Variants in TMEM161B observed in about 807,000 individuals in gnomAD.
The protein encoded by TMEM161B is transmembrane protein 161B.
A neutral mutation model predicts 61.8 loss-of-function variants in TMEM161B; 34 were observed. That is an observed-to-expected ratio of 0.55 (90% confidence interval 0.42 to 0.73). The LOEUF (loss-of-function observed/expected upper bound fraction) is 0.73. Ranked by LOEUF, TMEM161B falls within the 30% of genes least tolerant of loss-of-function variation. The probability of loss-of-function intolerance (pLI) is 0.00; values close to 1 mark genes in which losing one functional copy is unlikely to be tolerated. For synonymous variants in TMEM161B, 167 were observed against 192.8 expected, an observed-to-expected ratio of 0.87 and a Z score of 1.11; for missense variants, 456 against 558.5, an observed-to-expected ratio of 0.82 and a Z score of 1.85.
At chr5:88,265,737 A>G (rs1404739960) in intron 1 of TMEM161B, among the ~76,000 whole-genome samples, 2 of 151,716 alleles carry the variant, frequency 1.3e-5, no homozygotes, top group African/African-American at 2.4e-5. Context: ...ACTCCCCTCC[A>G]CTCCCCTCAA....
chr5:88,205,116 C>T (rs1745206614), intron 8 of TMEM161B, among the ~76,000 whole-genome samples: 1 of 152,096 alleles, frequency 6.6e-6, no homozygotes, highest in Admixed American at 6.5e-5. Context: ...GCCTATCTTT[C>T]TGCCAAGATG....
intron 2 of TMEM161B, among the ~76,000 whole-genome samples, chr5:88,236,650 GAGAA>G (rs1751908422): frequency 6.6e-6 from 1 of 152,308 alleles, no homozygotes; most frequent in African/African-American, 2.4e-5. Flanking sequence ...AGGAAGGAAA[GAGAA>G]AGAGACAGTG....
In TMEM161B at chr5:88,199,234, G is replaced by A. The variant is rs1437496591; in HGVS notation, c.915-84C>T. On this transcript the variant is annotated intron_variant, in intron 9 of 11. Coordinates refer to ENST00000296595, the MANE Select transcript of TMEM161B (RefSeq NM_153354.5). ...TTATATGTTAATGGTCACCATATAA[G>A]ATATAAGAAGTCTATACTTCGCAAC... is the stretch of plus-strand genomic sequence containing the variant. 5.2e-6 allele frequency: 7 copies of A among 1,339,958 alleles called. No homozygotes were observed. The East Asian group carries it at 1.8e-4, about 34-fold the overall frequency. 83.0% of individuals were successfully genotyped at this position (1,339,958 alleles called of 1,614,324 possible). A position where few individuals can be genotyped will look rare whatever the true frequency, so the allele number is the denominator to read the frequency against.
chr5:88,192,010 A>ATG (rs1283390769), downstream of TMEM161B, among the ~76,000 whole-genome samples: 3 of 90,982 alleles, frequency 3.3e-5, 1 homozygote, highest in African/African-American at 1.4e-4. Flanking sequence ...ATATATATAT[A>ATG]TATATATATA....
At chr5:88,225,714 A>C in intron 4 of TMEM161B, 55 bp downstream of exon 4, 1 of 1,141,890 alleles carries the variant, frequency 8.8e-7, no homozygotes, top group East Asian at 2.4e-5. Flanking sequence ...AAGTACTTTC[A>C]CTACTATAAT....
intron 9 of TMEM161B, chr5:88,202,446 T>G (rs1053997784): frequency 2.8e-5 from 5 of 176,778 alleles, no homozygotes; most frequent in African/African-American, 1.2e-4. Context: ...TTATTTTTTT[T>G]AGAGGTGCAA....
chr5:88,256,966 C>A (rs1306531670), intron 1 of TMEM161B, among the ~76,000 whole-genome samples: 1 of 152,212 alleles, frequency 6.6e-6, no homozygotes, highest in Non-Finnish European at 1.5e-5. Flanking sequence ...AATGAGATAG[C>A]TTTGTGTTAC....
chr5:88,200,308 A>C (rs537577800), intron 9 of TMEM161B: 2 of 152,222 alleles, frequency 1.3e-5, no homozygotes, highest in Admixed American at 1.3e-4. Flanking sequence ...TAAAGGCATA[A>C]CATTTTATCA....
intron 5 of TMEM161B, among the ~76,000 whole-genome samples, chr5:88,211,970 G>C (rs910304646): frequency 1.1e-4 from 17 of 151,948 alleles, no homozygotes; most frequent in Admixed American, 2.6e-4. Context: ...CCACCACAAG[G>C]AAGTAAAAAA....
chr5:88,202,704 G>T, intron 9 of TMEM161B: 1 of 415,856 alleles, frequency 2.4e-6, no homozygotes, highest in Non-Finnish European at 4.3e-6. Context: ...GATGACGACT[G>T]GACATAAAGA....
chr5:88,237,202 C>A (rs1751992686), intron 2 of TMEM161B, among the ~76,000 whole-genome samples: 1 of 152,094 alleles, frequency 6.6e-6, no homozygotes, highest in Non-Finnish European at 1.5e-5. Flanking sequence ...GTTTTTTATA[C>A]CATAAGTATT....
In TMEM161B at chr5:88,252,722, A is replaced by G. The variant is rs184466141; in HGVS notation, c.4-11806T>C. Among the ~76,000 whole-genome samples, 29 of 152,342 alleles carry G rather than the reference A, an allele frequency of 1.9e-4. No homozygotes were observed. In the East Asian group the frequency reaches 5.4e-3, roughly 28 times the overall value. ...CAAGCTTCAGATAGGCCTCCCAAGG[A>G]AAGCACCTTGGGTGCATCCTCGGCT... On this transcript the variant is annotated intron_variant, in intron 1 of 11. Coordinates refer to ENST00000296595, the MANE Select transcript of TMEM161B (RefSeq NM_153354.5).
chr5:88,188,362 C>T (rs372516761), downstream of TMEM161B, among the ~76,000 whole-genome samples: 6 of 151,806 alleles, frequency 4.0e-5, no homozygotes, highest in Admixed American at 6.6e-5. Context: ...ATGATCCACC[C>T]GTCTCAGCCT....
intron 2 of TMEM161B, among the ~76,000 whole-genome samples, chr5:88,235,846 G>A (rs116543179): frequency 6.3e-4 from 96 of 152,240 alleles, no homozygotes; most frequent in Middle Eastern, 3.4e-3. Context: ...ATCTTTCAGC[G>A]CAAGTAGCTA....
At chr5:88,249,745 T>G (rs938327560) in intron 1 of TMEM161B, among the ~76,000 whole-genome samples, 2 of 152,080 alleles carry the variant, frequency 1.3e-5, no homozygotes, top group African/African-American at 4.8e-5. Context: ...AAGGACTGGA[T>G]ACACTGGGGC....
chr5:88,204,587 C>T (rs768056919), intron 8 of TMEM161B, among the ~76,000 whole-genome samples: 1 of 152,200 alleles, frequency 6.6e-6, no homozygotes, highest in East Asian at 1.9e-4. Context: ...GGGCTCCCCT[C>T]CACCCACCCT....
At chr5:88,190,850 A>C (rs1360416383), downstream of TMEM161B, among the ~76,000 whole-genome samples, 3 of 151,952 alleles carry the variant, frequency 2.0e-5, no homozygotes, top group Admixed American at 2.0e-4. Flanking sequence ...TCTTTTATTT[A>C]CTTGTTATAG....
intron 1 of TMEM161B, among the ~76,000 whole-genome samples, chr5:88,241,668 C>T (rs1752757837): frequency 1.3e-5 from 2 of 151,782 alleles, no homozygotes; most frequent in African/African-American, 2.4e-5. Flanking sequence ...GCTGTTACCA[C>T]CCACTTCCAG....
chr5:88,206,254 A>G (rs141454107), intron 7 of TMEM161B, among the ~76,000 whole-genome samples, 185 bp downstream of exon 7: 1,722 of 152,226 alleles, frequency 0.011, 9 homozygotes, highest in South Asian at 0.019. Context: ...GCAAATTTAC[A>G]TAAGAATTCT....
Sources: allele counts gnomAD v4.1 joint callset (sites outside exome capture counted in the v4.1 genomes callset), GRCh38; gene constraint gnomAD v4.1.1; transcripts MANE v1.5; gene names NCBI Gene and HGNC (gene_info 2026-07-23, HGNC 2026-07-21).